Variants in SULF2 observed in about 807,000 individuals in gnomAD.
The protein encoded by SULF2 is sulfatase 2, also known as extracellular sulfatase Sulf-2.
Under a neutral mutation model 107.7 loss-of-function variants are expected in SULF2, and 52 were observed. The observed-to-expected ratio is 0.48, with a 90% confidence interval of 0.39 to 0.61. The LOEUF is 0.61. SULF2 is among the 20% of genes least tolerant of loss of function. The pLI is 0.00. For missense variants in SULF2, 993 were observed against 1,177.3 expected (o/e 0.84, Z 2.29); for synonymous variants, 460 against 464.3 (o/e 0.99, Z 0.12).
At chr20:47,658,670 G>A (rs946310221) in intron 20 of SULF2, among the ~76,000 whole-genome samples, 6 of 152,156 alleles carry the variant, frequency 3.9e-5, no homozygotes, top group South Asian at 4.1e-4. Flanking sequence ...TAGAAGCACC[G>A]AAGAAAGGCT....
chr20:47,744,072 T>C (rs1424948918), intron 2 of SULF2, among the ~76,000 whole-genome samples: 1 of 152,134 alleles, frequency 6.6e-6, no homozygotes, highest in Non-Finnish European at 1.5e-5. Flanking sequence ...AGGCTACAGA[T>C]TCTTAGGGGA....
At chr20:47,762,869 G>A (rs375680099) in intron 1 of SULF2, among the ~76,000 whole-genome samples, 18 of 152,316 alleles carry the variant, frequency 1.2e-4, no homozygotes, top group East Asian at 3.9e-4. Context: ...TCAAAGCTCC[G>A]GCACCAGAAG....
intron 3 of SULF2, among the ~76,000 whole-genome samples, chr20:47,711,895 A>G (rs940153816): frequency 2.0e-4 from 30 of 152,360 alleles, no homozygotes; most frequent in African/African-American, 7.2e-4. Flanking sequence ...TGACATATAA[A>G]AATACACATA....
chr20:47,786,516 C>T (rs1389075380), upstream of SULF2: 1 of 152,230 alleles, frequency 6.6e-6, no homozygotes, highest in Non-Finnish European at 1.5e-5. Flanking sequence ...ACCCGCAGCT[C>T]AATCGCAGGG....
At chr20:47,702,467 T>A (rs2088601968) in intron 4 of SULF2, 52 bp downstream of exon 4, 1 of 1,585,294 alleles carries the variant, frequency 6.3e-7, no homozygotes, top group Non-Finnish European at 8.6e-7. Flanking sequence ...GAGTTGGGCC[T>A]CTAACTGCTG....
At chr20:47,714,866 C>A (rs1366529477) in intron 3 of SULF2, among the ~76,000 whole-genome samples, 1 of 152,192 alleles carries the variant, frequency 6.6e-6, no homozygotes, top group Non-Finnish European at 1.5e-5. Context: ...AAATCACCTT[C>A]CTCAGATACC....
intron 1 of SULF2, among the ~76,000 whole-genome samples, chr20:47,771,714 G>T (rs1466217658): frequency 6.6e-6 from 1 of 152,144 alleles, no homozygotes; most frequent in Admixed American, 6.5e-5. Flanking sequence ...ATGGGGCGGG[G>T]GCGGGGGCAG....
intron 2 of SULF2, among the ~76,000 whole-genome samples, chr20:47,754,799 G>C (rs746014595): frequency 1.4e-4 from 21 of 152,222 alleles, no homozygotes; most frequent in Non-Finnish European, 2.8e-4. Context: ...GCTAAATAGA[G>C]CAGTGGCTAA....
intron 2 of SULF2, among the ~76,000 whole-genome samples, chr20:47,737,232 G>A (rs1419616084): frequency 2.6e-5 from 4 of 152,086 alleles, no homozygotes; most frequent in Admixed American, 6.5e-5. Context: ...GTCACTGTCC[G>A]GTACTGTAAT....
intron 2 of SULF2, among the ~76,000 whole-genome samples, chr20:47,741,053 G>A (rs1459965499): frequency 1.3e-5 from 2 of 152,084 alleles, no homozygotes; most frequent in Admixed American, 6.5e-5. Flanking sequence ...CACCTCCCCC[G>A]TGGGTCAGGC....
At chr20:47,677,218 A>G (rs748289075) in intron 8 of SULF2, 84 bp from the exon 9 acceptor site, 13 of 1,486,582 alleles carry the variant, frequency 8.7e-6, no homozygotes, top group Non-Finnish European at 1.2e-5. Flanking sequence ...GGACGGCACC[A>G]GGAGTCAGCC....
At chr20:47,737,816 G>A (rs1276506555) in intron 2 of SULF2, among the ~76,000 whole-genome samples, 3 of 129,606 alleles carry the variant, frequency 2.3e-5, no homozygotes, top group Non-Finnish European at 4.7e-5. Context: ...AGGCTGGAGT[G>A]CAGTGGTGTG....
chr20:47,747,820 G>C (rs570167667), intron 2 of SULF2, among the ~76,000 whole-genome samples: 1 of 151,746 alleles, frequency 6.6e-6, no homozygotes, highest in Non-Finnish European at 1.5e-5. Context: ...AAAAACCTAG[G>C]AGTCATCCCC....
chr20:47,672,116 GGA>G, intron 11 of SULF2, 80 bp downstream of exon 11: 2 of 1,421,604 alleles, frequency 1.4e-6, no homozygotes, highest in Admixed American at 4.0e-5. Flanking sequence ...CAGTCTCTGT[GGA>G]ACTGTCGGAG....
intron 7 of SULF2, among the ~76,000 whole-genome samples, chr20:47,682,694 A>T (rs2087865605): frequency 6.6e-6 from 1 of 152,176 alleles, no homozygotes; most frequent in Admixed American, 6.5e-5. Context: ...CAGAAATCCA[A>T]GCACCATTCC....
At chr20:47,746,980 A>AAT (rs1215850334) in intron 2 of SULF2, among the ~76,000 whole-genome samples, 1 of 46,208 alleles carries the variant, frequency 2.2e-5, no homozygotes, top group Non-Finnish European at 4.3e-5. Context: ...AACTTAAATA[A>AAT]ATAAAAAAAA....
In SULF2 at chr20:47,666,372, G is replaced by A. The variant is rs1051423332; in HGVS notation, c.1693C>T (p.Arg565Trp). The change falls in exon 12 of 21, where the codon CGG (arginine) becomes TGG (tryptophan). Residue 565 changes from arginine (R) to tryptophan (W), a missense_variant. By Grantham distance (101) the Arg-to-Trp change is moderately radical (BLOSUM62 -3). Around this residue, in one of 3 missense-constraint regions of SULF2, gnomAD observed 497 missense variants for 544.1 expected, o/e 0.91. Transcript: ENST00000688720. The surrounding 1 kb of genome is among the most constrained non-coding windows in gnomAD (Gnocchi z 5.4). Reference sequence around the variant, plus strand: ...TCCTCAGGGGCCCCTGGCCAGTGCCGCTTGGTGAGGTTTCGGGGCTGGGCG... The same window carrying A: ...TCCTCAGGGGCCCCTGGCCAGTGCCACTTGGTGAGGTTTCGGGGCTGGGCG... ...DAAQPRNLTK[R>W]HWPGAPEDQD... The A allele has an allele frequency of 1.4e-5, 23 of 1,613,958 alleles. No homozygotes were observed. The highest frequency in any genetic ancestry group is 3.3e-5 in the South Asian group (3 of 91,094).
At chr20:47,691,624 G>C (rs1314965485) in intron 4 of SULF2, among the ~76,000 whole-genome samples, 3 of 152,190 alleles carry the variant, frequency 2.0e-5, no homozygotes, top group Non-Finnish European at 2.9e-5. Context: ...GAATGTGCTT[G>C]CCATGTGCTC....
upstream of SULF2, chr20:47,786,206 A>G (rs967506925): frequency 7.2e-5 from 11 of 152,122 alleles, 1 homozygote; most frequent in African/African-American, 2.7e-4. Context: ...TAAATCAAAT[A>G]TCGTGATAAA....
Sources: gnomAD v4.1 joint callset for allele counts (sites outside exome capture counted in the v4.1 genomes callset) on GRCh38, gnomAD v4.1.1 for gene constraint, gnomAD v4.1.1 regional missense constraint, Gnocchi (gnomAD v3.1) non-coding constraint, MANE v1.5 for transcripts, NCBI Gene and HGNC (gene_info 2026-07-23, HGNC 2026-07-21) for gene names.